TMEM132B: variants seen among roughly 807,000 people sequenced by gnomAD.
TMEM132B encodes the protein transmembrane protein 132B.
In TMEM132B, 18 loss-of-function variants were observed where a neutral mutation model predicts 90.8. That is an observed-to-expected ratio of 0.20 (90% CI 0.14 to 0.29). The LOEUF is 0.29. Among genes scored for constraint, TMEM132B ranks in the 10% least tolerant of loss-of-function variants. TMEM132B has a pLI of 1.00. For missense variants in TMEM132B, 1,096 were observed against 1,326.8 expected, an observed-to-expected ratio of 0.83 and a Z score of 2.70; for synonymous variants, 504 against 523.3, an observed-to-expected ratio of 0.96 and a Z score of 0.50.
chr12:125,653,669 A>C lies in TMEM132B; in HGVS notation c.2211A>C (p.Glu737Asp). 4 of 1,614,168 alleles carry C rather than the reference A, an allele frequency of 2.5e-6. No individual in the cohort carries two copies. The highest frequency in any genetic ancestry group is 3.4e-6 in the Non-Finnish European group (4 of 1,180,046). Reference protein sequence around the residue: ...DYSVTVSSLDEMVVSVQANLE... With the variant: ...DYSVTVSSLDDMVVSVQANLE... ...CTGTTACTGTCTCATCATTGGATGA[A>C]ATGGTGGTGTCTGTCCAGGCAAACC... The change falls in exon 9 of 9, where the codon GAA (glutamate) becomes GAC (aspartate). Residue 737 changes from glutamate (E) to aspartate (D), a missense_variant. Glu to Asp is a conservative substitution (Grantham distance 45). Coordinates refer to ENST00000682704, the MANE Select transcript of TMEM132B (RefSeq NM_001366854.1).
At chr12:125,593,974 GT>G (rs1885378962) in intron 5 of TMEM132B, among the ~76,000 whole-genome samples, 1 of 152,124 alleles carries the variant, frequency 6.6e-6, no homozygotes, top group African/African-American at 2.4e-5. Flanking sequence ...GATTTCATGA[GT>G]GTGAAATTAT....
intron 1 of TMEM132B, among the ~76,000 whole-genome samples, chr12:125,227,219 C>T (rs959127703): frequency 7.9e-5 from 12 of 151,980 alleles, no homozygotes; most frequent in Admixed American, 2.0e-4. Flanking sequence ...AAGGGGACAG[C>T]GAGAGCCAGG....
chr12:125,290,998 A>G lies in TMEM132B; in HGVS notation c.68-58454A>G, dbSNP rs138038897. 2.8e-3 allele frequency among the ~76,000 whole-genome samples: 409 copies of G among 148,584 alleles called. 6 individuals carry two copies. Among genetic ancestry groups the G allele is most frequent in the African/African-American group, 9.6e-3 (380 of 39,718 alleles). On this transcript the variant is annotated intron_variant, in intron 1 of 8. Transcript: ENST00000682704. Reference sequence around the variant, plus strand: ...TTAAAGACAAGATAATTGTGTCTCCATACCACTTAATCCTTCCCCGTCCCC... The same window carrying G: ...TTAAAGACAAGATAATTGTGTCTCCGTACCACTTAATCCTTCCCCGTCCCC...
chr12:125,220,359 C>A (rs140960947), intron 1 of TMEM132B, among the ~76,000 whole-genome samples: 1 of 152,322 alleles, frequency 6.6e-6, no homozygotes, highest in Admixed American at 6.5e-5. Flanking sequence ...CCAGCCTCAC[C>A]GCCTGGAGAC....
rs111997491 is a variant in TMEM132B, at chr12:125,654,827, G to A, written c.*117G>A. 2.2e-4 allele frequency: 276 copies of A among 1,229,538 alleles called. 1 individual carries two copies. In the African/African-American group the frequency reaches 3.7e-3, roughly 16 times the overall value. The allele number at this position is 1,229,538 out of a possible 1,614,324, so 76.2% of individuals were successfully genotyped here. The stretch of plus-strand genomic sequence containing the variant: ...AAAGTTTGATTTGTGGAGGTCTGGT[G>A]GGATTCATTTCTAAGCAGGTAAAAG... On this transcript the variant is annotated 3_prime_UTR_variant, in exon 9 of 9. Coordinates refer to ENST00000682704, the MANE Select transcript of TMEM132B (RefSeq NM_001366854.1). The surrounding 1 kb of genome is among the most constrained non-coding windows in gnomAD (Gnocchi z 5.8).
intron 1 of TMEM132B, among the ~76,000 whole-genome samples, chr12:125,187,376 G>GGCCCTCCCCTGCTTTCACACT (rs1555230724): frequency 2.0e-5 from 3 of 152,052 alleles, no homozygotes; most frequent in Non-Finnish European, 4.4e-5. Flanking sequence ...CACGCCCCGC[G>GGCCCTCCCCTGCTTTCACACT]GCCCTCCCCT....
intron 3 of TMEM132B, among the ~76,000 whole-genome samples, chr12:125,489,873 CAGTT>C (rs1366222296): frequency 6.6e-6 from 1 of 152,310 alleles, no homozygotes; most frequent in African/African-American, 2.4e-5. Flanking sequence ...GTATAATTCT[CAGTT>C]GGTTCTGGAA....
intron 1 of TMEM132B, among the ~76,000 whole-genome samples, chr12:125,225,995 C>T (rs994594219): frequency 1.1e-4 from 16 of 152,318 alleles, no homozygotes; most frequent in East Asian, 1.9e-4. Flanking sequence ...TCCTATCAAC[C>T]TACAAATTCC....
At position 125,544,130 on chromosome 12, in the gene TMEM132B, A is replaced by G. The variant is rs576534163; in HGVS notation, c.1293+24505A>G. 2.0e-5 allele frequency among the ~76,000 whole-genome samples: 3 copies of G among 152,322 alleles called. No homozygotes were observed. The East Asian group carries it at 5.8e-4, about 29-fold the overall frequency. ...AACCAAACACTGCATGTTCTCACTCATAGGTGGGAGTTGAACAGTGAGAAC... is the reference window on the plus strand; with the variant it reads ...AACCAAACACTGCATGTTCTCACTCGTAGGTGGGAGTTGAACAGTGAGAAC... On this transcript the variant is annotated intron_variant, in intron 4 of 8. Coordinates refer to ENST00000682704, the MANE Select transcript of TMEM132B (RefSeq NM_001366854.1).
chr12:125,624,664 C>G (rs76223104), intron 5 of TMEM132B, among the ~76,000 whole-genome samples: 1 of 152,228 alleles, frequency 6.6e-6, no homozygotes, highest in African/African-American at 2.4e-5. Flanking sequence ...TGACAGTAGA[C>G]TGAAAAATTG....
At chr12:125,592,603 C>T (rs1026072591) in intron 5 of TMEM132B, among the ~76,000 whole-genome samples, 5 of 152,070 alleles carry the variant, frequency 3.3e-5, no homozygotes, top group African/African-American at 1.2e-4. Context: ...CTAGATAAAG[C>T]CTGATGGAAA....
intron 4 of TMEM132B, among the ~76,000 whole-genome samples, chr12:125,550,492 G>A (rs1884199276): frequency 3.9e-5 from 6 of 152,176 alleles, no homozygotes; most frequent in Admixed American, 6.5e-5. Flanking sequence ...TACTCTGACT[G>A]ATACATTACC....
intron 1 of TMEM132B, among the ~76,000 whole-genome samples, chr12:125,193,119 A>G (rs1263505417): frequency 6.6e-6 from 1 of 152,192 alleles, no homozygotes; most frequent in African/African-American, 2.4e-5. Flanking sequence ...ACATGCAACC[A>G]TCACAGCTGC....
At chr12:125,521,117 A>G (rs529396072) in intron 4 of TMEM132B, among the ~76,000 whole-genome samples, 1 of 152,124 alleles carries the variant, frequency 6.6e-6, no homozygotes, top group African/African-American at 2.4e-5. Context: ...TCTCTACTCA[A>G]TGTCCTTACC....
Position 125,661,538 on chromosome 12 carries a change from A to G in TMEM132B, c.*6828A>G, listed in dbSNP as rs1215061302. The G allele has an allele frequency of 6.6e-6, 1 of 152,204 alleles. No individual in the cohort carries two copies. Among genetic ancestry groups the G allele is most frequent in the Non-Finnish European group, 1.5e-5 (1 of 68,044 alleles). The allele number at this position is 152,204 out of a possible 1,614,324, so 9.4% of individuals were successfully genotyped here. A position where few individuals can be genotyped will look rare whatever the true frequency, so the allele number is the denominator to read the frequency against. ...TGCCCAAAGATGAACTGGCCCATGG[A>G]GGGACTTGATTGCCAAGTGACTTCC... On this transcript the variant is annotated 3_prime_UTR_variant, in exon 9 of 9. Transcript: ENST00000682704.
intron 1 of TMEM132B, among the ~76,000 whole-genome samples, chr12:125,196,190 T>G (rs1872921452): frequency 6.6e-6 from 1 of 152,184 alleles, no homozygotes; most frequent in Non-Finnish European, 1.5e-5. Flanking sequence ...CCACAAGATT[T>G]GCTGATGAAT....
intron 2 of TMEM132B, among the ~76,000 whole-genome samples, chr12:125,377,835 G>C (rs1022391735): frequency 8.5e-5 from 13 of 152,122 alleles, no homozygotes; most frequent in African/African-American, 3.1e-4. Context: ...TATTCATGGA[G>C]CACCCACCCA....
intron 3 of TMEM132B, among the ~76,000 whole-genome samples, chr12:125,499,908 G>T (rs149178591): frequency 6.6e-6 from 1 of 152,114 alleles, no homozygotes; most frequent in Non-Finnish European, 1.5e-5. Context: ...CTGTACTTCT[G>T]CATACAAATG....
At chr12:125,506,428 A>G (rs901093505) in intron 3 of TMEM132B, among the ~76,000 whole-genome samples, 3 of 152,186 alleles carry the variant, frequency 2.0e-5, no homozygotes, top group Middle Eastern at 3.2e-3. Flanking sequence ...GGAAGATTCT[A>G]TATCTTGAGT....
Sources: gnomAD v4.1 joint callset for allele counts (sites outside exome capture counted in the v4.1 genomes callset) on GRCh38, gnomAD v4.1.1 for gene constraint, Gnocchi (gnomAD v3.1) non-coding constraint, MANE v1.5 for transcripts, NCBI Gene and HGNC (gene_info 2026-07-23, HGNC 2026-07-21) for gene names.